Variants in MCPH1 observed in about 807,000 individuals in gnomAD.
The protein encoded by MCPH1 is microcephalin.
MCPH1 carries 104 observed loss-of-function variants against 84.5 expected under a neutral mutation model. That is an observed-to-expected ratio of 1.23 (90% CI 1.05 to 1.45). The LOEUF is 1.45. MCPH1 is among the 40% of genes most tolerant of loss of function. The pLI is 0.00. For synonymous variants in MCPH1, 514 were observed against 366.8 expected, an observed-to-expected ratio of 1.40 and a Z score of -4.58; for missense variants, 1,498 against 1,005.7, an observed-to-expected ratio of 1.49 and a Z score of -6.62.
chr8:6,409,491 G>C (rs778509331), intron 2 of MCPH1, 121 bp downstream of exon 2: 23 of 790,140 alleles, frequency 2.9e-5, no homozygotes, highest in Non-Finnish European at 4.5e-5. Flanking sequence ...TGGGTAAGCG[G>C]TGGGAGAAAA....
At chr8:6,619,731 C>G (rs1322075620) in intron 12 of MCPH1, among the ~76,000 whole-genome samples, 1 of 152,096 alleles carries the variant, frequency 6.6e-6, no homozygotes, top group Non-Finnish European at 1.5e-5. Flanking sequence ...ACTACAGGTG[C>G]CCACCACCAC....
chr8:6,512,784 C>A lies in MCPH1; in HGVS notation c.2214+12855C>A, dbSNP rs1815423487. Among the ~76,000 whole-genome samples, 4 of 152,198 alleles carry A rather than the reference C, an allele frequency of 2.6e-5. No individual in the cohort carries two copies. In the South Asian group the frequency reaches 8.3e-4, roughly 31 times the overall value. ...CCAGTCAAGGTTGCCCATGCTATTA[C>A]TTATGATTATTGCTACCAAATGGGT... On this transcript the variant is annotated intron_variant, in intron 12 of 13. Coordinates refer to ENST00000344683, the MANE Select transcript of MCPH1 (RefSeq NM_024596.5).
At chr8:6,489,927 T>C (rs980763456) in intron 11 of MCPH1, among the ~76,000 whole-genome samples, 1 of 152,228 alleles carries the variant, frequency 6.6e-6, no homozygotes, top group Non-Finnish European at 1.5e-5. Flanking sequence ...TGGATAAGGC[T>C]AAAAACCAAC....
intron 4 of MCPH1, among the ~76,000 whole-genome samples, chr8:6,432,651 A>T (rs976352087): frequency 6.6e-6 from 1 of 152,230 alleles, no homozygotes; most frequent in Non-Finnish European, 1.5e-5. Context: ...ACTGAACTAC[A>T]TTTCCTGTAG....
At position 6,414,381 on chromosome 8, in the gene MCPH1, C is replaced by G. The variant is rs78346144; in HGVS notation, c.115-384C>G. ...ATGTGTTCTGTTTTCTCTGTTGCCT[C>G]TGAATTTCATTTGGTTTTATTTTTT... On this transcript the variant is annotated intron_variant, in intron 2 of 13. Transcript: ENST00000344683. 6.6e-3 allele frequency among the ~76,000 whole-genome samples: 1,008 copies of G among 152,322 alleles called. 12 individuals carry two copies. Among genetic ancestry groups the G allele is most frequent in the African/African-American group, 0.022 (935 of 41,574 alleles).
At chr8:6,435,360 C>T (rs762680762) in intron 4 of MCPH1, among the ~76,000 whole-genome samples, 2 of 152,116 alleles carry the variant, frequency 1.3e-5, no homozygotes, top group Non-Finnish European at 2.9e-5. Flanking sequence ...TGCAAGTTGC[C>T]TGGCAAGGAG....
intron 12 of MCPH1, among the ~76,000 whole-genome samples, chr8:6,530,508 C>CAAAAAAAAAA (rs55729820): frequency 1.0e-5 from 1 of 98,050 alleles, no homozygotes; most frequent in Non-Finnish European, 2.0e-5. Context: ...GACTCTGTCT[C>CAAAAAAAAAA]AAAAAAAAAA....
At chr8:6,625,738 C>G in intron 13 of MCPH1, 1 of 975,868 alleles carries the variant, frequency 1.0e-6, no homozygotes, top group South Asian at 4.7e-5. Context: ...GAGCAACGAT[C>G]CCACCACTGT....
In MCPH1 at chr8:6,647,701, A is replaced by C. The variant is rs1485594455; in HGVS notation, c.*4652A>C. 2 of 152,242 alleles carry C rather than the reference A, an allele frequency of 1.3e-5. No individual in the cohort carries two copies. Among genetic ancestry groups the C allele is most frequent in the African/African-American group, 4.8e-5 (2 of 41,466 alleles). 9.4% of individuals were successfully genotyped at this position (152,242 alleles called of 1,614,324 possible). A position where few individuals can be genotyped will look rare whatever the true frequency, so the allele number is the denominator to read the frequency against. On this transcript the variant is annotated 3_prime_UTR_variant, in exon 14 of 14. Transcript: ENST00000344683. ...AAGATTCCATTTAGATACCATTTCT[A>C]CAAACCGCAAAACTGTAGAGGCACG...
chr8:6,486,152 A>G (rs370428016), intron 11 of MCPH1, among the ~76,000 whole-genome samples: 19 of 152,198 alleles, frequency 1.2e-4, no homozygotes, highest in African/African-American at 4.1e-4. Context: ...ATATTTATCT[A>G]TGTCTTGCAT....
rs117013233 is a variant in MCPH1, at chr8:6,461,296, T to C, written c.1935+6044T>C. On this transcript the variant is annotated intron_variant, in intron 9 of 13. Transcript: ENST00000344683. ...AGTCTGTTTTTTTTTAGACTTATTT[T>C]AAATATACTTGTTTCAAATTTGTTG... 1.2e-3 allele frequency among the ~76,000 whole-genome samples: 181 copies of C among 148,992 alleles called. 3 individuals are homozygous for C. The East Asian group carries it at 0.03, about 25-fold the overall frequency.
At chr8:6,438,230 T>C (rs17537229) in intron 5 of MCPH1, among the ~76,000 whole-genome samples, 3,454 of 152,338 alleles carry the variant, frequency 0.023, 79 homozygotes, top group Admixed American at 0.066. Context: ...AGACCAAATA[T>C]GTATCGTAAT....
chr8:6,459,863 C>G (rs1268084306), intron 9 of MCPH1, among the ~76,000 whole-genome samples: 1 of 152,256 alleles, frequency 6.6e-6, no homozygotes, highest in South Asian at 2.1e-4. Flanking sequence ...GTAGAAGGTA[C>G]AAAGGCAAGA....
chr8:6,411,838 G>A (rs367999770), intron 2 of MCPH1, among the ~76,000 whole-genome samples: 5 of 152,128 alleles, frequency 3.3e-5, no homozygotes, highest in Non-Finnish European at 7.3e-5. Flanking sequence ...GCGGGACGCG[G>A]GCATGTCTTA....
chr8:6,601,437 G>C (rs558796781), intron 12 of MCPH1, among the ~76,000 whole-genome samples: 5 of 151,760 alleles, frequency 3.3e-5, no homozygotes, highest in Non-Finnish European at 5.9e-5. Context: ...GCCCGTACGG[G>C]ACTGCTCACC....
intron 12 of MCPH1, among the ~76,000 whole-genome samples, chr8:6,514,236 C>G (rs1303236173): frequency 6.6e-6 from 1 of 152,188 alleles, no homozygotes; most frequent in African/African-American, 2.4e-5. Context: ...GTTGCCCAGG[C>G]TGGAGTGCAG....
intron 12 of MCPH1, among the ~76,000 whole-genome samples, chr8:6,566,466 G>A (rs7832816): frequency 0.063 from 9,646 of 152,290 alleles, 358 homozygotes; most frequent in East Asian, 0.12. Context: ...GACACTGTAC[G>A]CCGTGCAGCG....
intron 8 of MCPH1, among the ~76,000 whole-genome samples, chr8:6,451,364 G>A (rs567459553): frequency 1.3e-5 from 2 of 152,204 alleles, no homozygotes; most frequent in African/African-American, 4.8e-5. Flanking sequence ...AGTGAGAGAG[G>A]TAAGGTTAAT....
intron 12 of MCPH1, among the ~76,000 whole-genome samples, chr8:6,560,929 G>A (rs899263544): frequency 9.9e-5 from 15 of 152,184 alleles, no homozygotes; most frequent in African/African-American, 2.9e-4. Flanking sequence ...CTGTTTCTTC[G>A]AGGAGATGAC....
Sources: gnomAD v4.1 joint callset for allele counts (sites outside exome capture counted in the v4.1 genomes callset) on GRCh38, gnomAD v4.1.1 for gene constraint, MANE v1.5 for transcripts, NCBI Gene and HGNC (gene_info 2026-07-23, HGNC 2026-07-21) for gene names.